Variants in ARHGAP40 observed in about 807,000 individuals in gnomAD.
ARHGAP40 encodes Rho GTPase activating protein 40, also known as rho GTPase-activating protein 40.
Under a neutral mutation model 73.5 loss-of-function variants are expected in ARHGAP40, and 43 were observed. That is an observed-to-expected ratio of 0.58 (90% CI 0.46 to 0.75). ARHGAP40 has a LOEUF of 0.75. ARHGAP40 is among the 30% of genes least tolerant of loss of function. The probability of loss-of-function intolerance (pLI) is 0.00; values close to 1 mark genes in which losing one functional copy is unlikely to be tolerated. For missense variants in ARHGAP40, 734 were observed against 861.8 expected, an observed-to-expected ratio of 0.85 and a Z score of 1.86; for synonymous variants, 300 against 352.8, an observed-to-expected ratio of 0.85 and a Z score of 1.68.
intron 1 of ARHGAP40, among the ~76,000 whole-genome samples, chr20:38,610,472 A>G (rs1190277208): frequency 1.3e-5 from 2 of 152,218 alleles, no homozygotes; most frequent in African/African-American, 4.8e-5. Flanking sequence ...CCTGGGGAAC[A>G]CAGTCTCAAG....
intron 1 of ARHGAP40, among the ~76,000 whole-genome samples, chr20:38,620,520 T>C (rs1418763356): frequency 2.6e-5 from 4 of 152,198 alleles, no homozygotes; most frequent in African/African-American, 9.7e-5. Context: ...AGTTTTCAAA[T>C]TGTCACGAAA....
At chr20:38,642,022 G>T (rs765520064) in intron 10 of ARHGAP40, among the ~76,000 whole-genome samples, 9 of 152,196 alleles carry the variant, frequency 5.9e-5, no homozygotes, top group Non-Finnish European at 1.2e-4. Context: ...ACTGCAGAGC[G>T]TCAGTTCCAC....
intron 1 of ARHGAP40, among the ~76,000 whole-genome samples, chr20:38,605,766 C>T (rs1207857761): frequency 6.6e-6 from 1 of 152,172 alleles, no homozygotes; most frequent in Non-Finnish European, 1.5e-5. Flanking sequence ...ATCTATGATC[C>T]AATCCATGCA....
intron 1 of ARHGAP40, among the ~76,000 whole-genome samples, chr20:38,619,636 T>A (rs1295945710): frequency 7.0e-6 from 1 of 143,792 alleles, no homozygotes; most frequent in Non-Finnish European, 1.5e-5. Context: ...AGTATGGCAG[T>A]TAAGTGCCCT....
At chr20:38,631,252 A>G (rs1255385738) in intron 5 of ARHGAP40, among the ~76,000 whole-genome samples, 1 of 149,450 alleles carries the variant, frequency 6.7e-6, no homozygotes, top group Non-Finnish European at 1.5e-5. Context: ...TTGAAGCTGC[A>G]GTGAGCTATG....
chr20:38,619,220 G>A (rs150475242), intron 1 of ARHGAP40, among the ~76,000 whole-genome samples: 7 of 152,252 alleles, frequency 4.6e-5, no homozygotes, highest in Admixed American at 6.5e-5. Context: ...CCTTCGTAAG[G>A]CATTTGGATT....
intron 2 of ARHGAP40, among the ~76,000 whole-genome samples, 191 bp from the exon 3 acceptor site, chr20:38,626,804 C>T (rs565597307): frequency 2.0e-5 from 3 of 152,272 alleles, no homozygotes; most frequent in South Asian, 2.1e-4. Flanking sequence ...CCCCACCCCG[C>T]CCCCAGTTCT....
At chr20:38,647,243 C>G (rs2089060274) in intron 13 of ARHGAP40, 117 bp downstream of exon 13, 1 of 921,546 alleles carries the variant, frequency 1.1e-6, no homozygotes, top group Non-Finnish European at 1.4e-6. Flanking sequence ...CCTTCCCTTT[C>G]TGGGGTGGTC....
At chr20:38,630,250 C>T (rs1284653591) in intron 5 of ARHGAP40, among the ~76,000 whole-genome samples, 4 of 140,288 alleles carry the variant, frequency 2.9e-5, no homozygotes, top group African/African-American at 1.0e-4. Context: ...GACAAGGTCT[C>T]ACTCTGTCAC....
chr20:38,646,931 G>A lies in ARHGAP40; in HGVS notation c.1711-26G>A, dbSNP rs1243425813. On this transcript the variant is annotated intron_variant, in intron 12 of 14. Coordinates refer to ENST00000373345, the Ensembl canonical transcript of ARHGAP40. The surrounding 1 kb of genome is among the most constrained non-coding windows in gnomAD (Gnocchi z 4.5). The stretch of plus-strand genomic sequence containing the variant: ...CAGGCAAGCTGACTCTTATGTATAT[G>A]GATCTTTCTCTCTCTCTCTCTGCAG... The A allele has an allele frequency of 2.8e-5, 37 of 1,299,090 alleles. No individual in the cohort carries two copies. Among genetic ancestry groups the A allele is most frequent in the Non-Finnish European group, 3.8e-5 (37 of 985,378 alleles). The allele number at this position is 1,299,090 out of a possible 1,614,324, so 80.5% of individuals were successfully genotyped here. A position where few individuals can be genotyped will look rare whatever the true frequency, so the allele number is the denominator to read the frequency against.
intron 10 of ARHGAP40, among the ~76,000 whole-genome samples, chr20:38,642,630 C>T (rs1266818167): frequency 2.0e-5 from 3 of 151,470 alleles, no homozygotes; most frequent in African/African-American, 7.3e-5. Flanking sequence ...CCCTCCTTCC[C>T]TCCCACCTCC....
At chr20:38,611,877 C>T (rs2088807057) in intron 1 of ARHGAP40, among the ~76,000 whole-genome samples, 1 of 151,436 alleles carries the variant, frequency 6.6e-6, no homozygotes, top group South Asian at 2.1e-4. Context: ...CCTGGCCACA[C>T]CCGGCTAATT....
At position 38,602,080 on chromosome 20, in the gene ARHGAP40, G is replaced by T. The variant is rs909964922; in HGVS notation, c.137+1G>T. 1 of 1,281,644 alleles carries T rather than the reference G, an allele frequency of 7.8e-7. No homozygotes were observed. Among genetic ancestry groups the T allele is most frequent in the African/African-American group, 1.5e-5 (1 of 65,536 alleles). 79.4% of individuals were successfully genotyped at this position (1,281,644 alleles called of 1,614,324 possible). On this transcript the variant is annotated splice_donor_variant, in intron 1 of 14. Coordinates refer to ENST00000373345, the Ensembl canonical transcript of ARHGAP40. LOFTEE classifies it high-confidence loss of function. Reference sequence around the variant, plus strand: ...AGCGCTGGGCCGACCTGGGCTGCAGGTACAGGGGTCACGGGAGCGGGAGGG... The same window carrying T: ...AGCGCTGGGCCGACCTGGGCTGCAGTTACAGGGGTCACGGGAGCGGGAGGG...
chr20:38,625,441 C>A (rs973658859), intron 2 of ARHGAP40, among the ~76,000 whole-genome samples: 1 of 150,998 alleles, frequency 6.6e-6, no homozygotes, highest in Non-Finnish European at 1.5e-5. Context: ...ATTTTTGAAA[C>A]GGAGTTTCAC....
At chr20:38,648,669 T>A in exon 14 of ARHGAP40, 1 of 1,305,018 alleles carries the variant, frequency 7.7e-7, no homozygotes, top group South Asian at 1.2e-5. Context: ...TCAGCCAACA[T>A]CCTCCTCTAT....
chr20:38,634,135 T>A (rs2088958690), intron 5 of ARHGAP40, among the ~76,000 whole-genome samples: 1 of 152,114 alleles, frequency 6.6e-6, no homozygotes, highest in Admixed American at 6.5e-5. Context: ...GAGAATTGCT[T>A]GAGCCCAGGT....
Position 38,627,553 on chromosome 20 carries a change from G to A in ARHGAP40, c.558+338G>A, listed in dbSNP as rs377308239. On this transcript the variant is annotated intron_variant, in intron 3 of 14. Transcript: ENST00000373345. ...GGTATGTGTGTGTGTGTTGGTGTGT[G>A]TTGGGGTATGTGTGTTGAGTGTGTG... Among the ~76,000 whole-genome samples the A allele has an allele frequency of 1.7e-3, 251 of 148,448 alleles. 3 individuals are homozygous for A. The highest frequency in any genetic ancestry group is 6.1e-3 in the African/African-American group (245 of 40,304).
At chr20:38,604,045 C>T (rs918100738) in intron 1 of ARHGAP40, among the ~76,000 whole-genome samples, 1 of 152,204 alleles carries the variant, frequency 6.6e-6, no homozygotes, top group Non-Finnish European at 1.5e-5. Flanking sequence ...CATATATTCA[C>T]AAATACTGAG....
Position 38,643,605 on chromosome 20 carries a change from T to A in ARHGAP40, c.1363-99T>A. ...GCTGCCCTCCCAGCTCCTGGCTCCT[T>A]CCTAGCACCCCCTTATCATTCATCA... On this transcript the variant is annotated intron_variant, in intron 10 of 14. Coordinates refer to ENST00000373345, the Ensembl canonical transcript of ARHGAP40. The A allele has an allele frequency of 1.3e-5, 14 of 1,046,334 alleles. No homozygotes were observed. The South Asian group carries it at 1.9e-4, about 14-fold the overall frequency. 64.8% of individuals were successfully genotyped at this position (1,046,334 alleles called of 1,614,324 possible).
Sources: gnomAD v4.1 joint callset for allele counts (sites outside exome capture counted in the v4.1 genomes callset) on GRCh38, gnomAD v4.1.1 for gene constraint, Gnocchi (gnomAD v3.1) non-coding constraint, MANE v1.5 for transcripts, NCBI Gene and HGNC (gene_info 2026-07-23, HGNC 2026-07-21) for gene names.